The following GRID2 variants were observed in gnomAD, a reference collection of about 807,000 sequenced individuals.
GRID2 encodes the protein glutamate receptor ionotropic, delta-2.
Under a neutral mutation model 114.8 loss-of-function variants are expected in GRID2, and 33 were observed. The observed-to-expected ratio is 0.29, with a 90% CI of 0.22 to 0.38. The LOEUF (loss-of-function observed/expected upper bound fraction) is 0.38, where lower values mean the gene tolerates loss of function less well. Ranked by LOEUF, GRID2 falls within the 10% of genes least tolerant of loss-of-function variation. The pLI, the probability that GRID2 is intolerant of heterozygous loss-of-function variation, is 1.00. For missense variants in GRID2, 1,184 were observed against 1,257.7 expected, an observed-to-expected ratio of 0.94 and a Z score of 0.89; for synonymous variants, 505 against 449.9, an observed-to-expected ratio of 1.12 and a Z score of -1.55.
chr4:93,187,308 ATTCTTTT>A (rs1740521302), intron 4 of GRID2, among the ~76,000 whole-genome samples: 1 of 151,610 alleles, frequency 6.6e-6, no homozygotes, highest in South Asian at 2.1e-4. Flanking sequence ...ATGGAGTCTC[ATTCTTTT>A]GCCCTGGCTG....
chr4:92,537,454 A>G (rs1490814871), intron 1 of GRID2, among the ~76,000 whole-genome samples: 1 of 152,184 alleles, frequency 6.6e-6, no homozygotes, highest in African/African-American at 2.4e-5. Flanking sequence ...ATAGATTTAT[A>G]ATTACCAATC....
At chr4:93,275,632 T>TTGC (rs1196945081) in intron 8 of GRID2, among the ~76,000 whole-genome samples, 1 of 151,778 alleles carries the variant, frequency 6.6e-6, no homozygotes, top group Non-Finnish European at 1.5e-5. Context: ...CTTATTATTA[T>TTGC]TGCTGCTGCT....
chr4:92,922,393 G>T (rs180894429), intron 2 of GRID2, among the ~76,000 whole-genome samples: 1 of 152,056 alleles, frequency 6.6e-6, no homozygotes, highest in Non-Finnish European at 1.5e-5. Context: ...GATGAACCCA[G>T]TACCTCAGTT....
intron 8 of GRID2, among the ~76,000 whole-genome samples, chr4:93,247,216 G>GT (rs1463848278): frequency 6.6e-6 from 1 of 152,148 alleles, no homozygotes; most frequent in African/African-American, 2.4e-5. Context: ...AATCTGAACT[G>GT]TTTGCTTGTT....
intron 11 of GRID2, among the ~76,000 whole-genome samples, chr4:93,484,727 T>C (rs549358529): frequency 6.6e-6 from 1 of 152,028 alleles, no homozygotes; most frequent in Non-Finnish European, 1.5e-5. Flanking sequence ...AACTCTGTGA[T>C]TGGTACAAGA....
At chr4:92,950,192 A>G (rs1340360013) in intron 2 of GRID2, among the ~76,000 whole-genome samples, 1 of 152,126 alleles carries the variant, frequency 6.6e-6, no homozygotes, top group Non-Finnish European at 1.5e-5. Context: ...CTAAAAAAGC[A>G]AAAAGTATTT....
chr4:92,506,077 T>A (rs1206274001), intron 1 of GRID2, among the ~76,000 whole-genome samples: 1 of 151,996 alleles, frequency 6.6e-6, no homozygotes, highest in Non-Finnish European at 1.5e-5. Context: ...TATTTTAAAA[T>A]TAAGGAAACA....
rs557063360 is a variant in GRID2, at chr4:93,572,108, G to T, written c.2194-54161G>T. On this transcript the variant is annotated intron_variant, in intron 13 of 15. Transcript: ENST00000282020. ...ATTGCTTGAAAGATCATCTAACTTGGCCTATGAAATGGAATGTGTTCATTT... is the reference window on the plus strand; with the variant it reads ...ATTGCTTGAAAGATCATCTAACTTGTCCTATGAAATGGAATGTGTTCATTT... 3.9e-5 allele frequency among the ~76,000 whole-genome samples: 6 copies of T among 152,214 alleles called. No homozygotes were observed. The East Asian group carries it at 1.2e-3, about 29-fold the overall frequency.
chr4:93,566,733 G>T (rs1047670254), intron 13 of GRID2, among the ~76,000 whole-genome samples: 3 of 151,882 alleles, frequency 2.0e-5, no homozygotes, highest in Non-Finnish European at 4.4e-5. Flanking sequence ...TTGCCCCTCT[G>T]CCCTCCAGCC....
chr4:93,054,126 C>G (rs1010246539), intron 2 of GRID2, among the ~76,000 whole-genome samples: 21 of 151,700 alleles, frequency 1.4e-4, no homozygotes, highest in African/African-American at 5.1e-4. Flanking sequence ...AAATTGTTAC[C>G]TGAAAGAGGC....
At chr4:93,051,563 T>G (rs1726718143) in intron 2 of GRID2, among the ~76,000 whole-genome samples, 1 of 152,030 alleles carries the variant, frequency 6.6e-6, no homozygotes, top group Admixed American at 6.6e-5. Flanking sequence ...ACATAAGCAT[T>G]GAAAAGTTCG....
intron 1 of GRID2, among the ~76,000 whole-genome samples, chr4:92,546,022 T>G (rs983270266): frequency 1.3e-5 from 2 of 152,202 alleles, no homozygotes; most frequent in Admixed American, 1.3e-4. Context: ...TTACATGATT[T>G]ACTTTTTGTT....
chr4:92,396,641 G>T (rs1730504111), intron 1 of GRID2, among the ~76,000 whole-genome samples: 1 of 152,052 alleles, frequency 6.6e-6, no homozygotes, highest in Non-Finnish European at 1.5e-5. Context: ...AAGATAGCAT[G>T]TAAATGCCAA....
intron 1 of GRID2, among the ~76,000 whole-genome samples, chr4:92,587,376 T>C (rs1283260539): frequency 6.6e-6 from 1 of 152,048 alleles, no homozygotes; most frequent in Non-Finnish European, 1.5e-5. Context: ...ATTTGTATAT[T>C]AATACAAAGA....
chr4:92,913,808 A>G (rs1748572743), intron 2 of GRID2, among the ~76,000 whole-genome samples: 1 of 149,704 alleles, frequency 6.7e-6, no homozygotes, highest in South Asian at 2.1e-4. Context: ...TACCAGAGAC[A>G]ATAAATAAAG....
At chr4:92,651,716 C>T (rs1027302947) in intron 2 of GRID2, among the ~76,000 whole-genome samples, 1 of 152,098 alleles carries the variant, frequency 6.6e-6, no homozygotes, top group African/African-American at 2.4e-5. Context: ...TATAATCACA[C>T]ATCTGGCCAT....
chr4:92,735,841 C>G (rs1736569400), intron 2 of GRID2, among the ~76,000 whole-genome samples: 2 of 151,766 alleles, frequency 1.3e-5, no homozygotes, highest in Admixed American at 1.3e-4. Flanking sequence ...ATCAATGAAG[C>G]CATATAAGTT....
chr4:92,656,989 C>A (rs551806648), intron 2 of GRID2, among the ~76,000 whole-genome samples: 2 of 151,150 alleles, frequency 1.3e-5, no homozygotes, highest in South Asian at 4.2e-4. Flanking sequence ...TTTCTATAAA[C>A]CATTGGTTTG....
chr4:92,635,740 T>C (rs912185257), intron 2 of GRID2, among the ~76,000 whole-genome samples: 6 of 152,136 alleles, frequency 3.9e-5, no homozygotes, highest in African/African-American at 1.2e-4. Context: ...AATACATTTT[T>C]AGTGATTGAA....
Sources: allele counts gnomAD v4.1 joint callset (sites outside exome capture counted in the v4.1 genomes callset), GRCh38; gene constraint gnomAD v4.1.1; transcripts MANE v1.5; gene names NCBI Gene and HGNC (gene_info 2026-07-23, HGNC 2026-07-21).